Variants in SPATA31H1 observed in about 807,000 individuals in gnomAD.
SPATA31H1 encodes the protein SPATA31 subfamily H member 1, also known as spermatogenesis-associated protein 31H1.
At chr2:27,562,006 C>A in the SPATA31H1 span, among the ~76,000 whole-genome samples, 4,091 of 152,242 alleles carry the variant, frequency 0.027, 175 homozygotes, top group African/African-American at 0.094. Context: ...CGATTCCCAT[C>A]ACCATTTGCT....
chr2:27,579,933 T>C, the SPATA31H1 span: 1 of 1,614,180 alleles, frequency 6.2e-7, no homozygotes, highest in South Asian at 1.1e-5. Flanking sequence ...ATACCCTATC[T>C]GCCTACAGTG....
At chr2:27,582,426 CAT>C in the SPATA31H1 span, 1 of 1,614,220 alleles carries the variant, frequency 6.2e-7, no homozygotes, top group South Asian at 1.1e-5. Flanking sequence ...GAGGCCCAGC[CAT>C]AGTTTGTCTA....
At chr2:27,539,806 T>C in the SPATA31H1 span, among the ~76,000 whole-genome samples, 1 of 61,394 alleles carries the variant, frequency 1.6e-5, no homozygotes, top group African/African-American at 7.3e-5. Flanking sequence ...CACTTCCCAG[T>C]AGGGGCGGCC....
At chr2:27,543,417 G>A in the SPATA31H1 span, among the ~76,000 whole-genome samples, 36,781 of 151,552 alleles carry the variant, frequency 0.24, 5,684 homozygotes, top group East Asian at 0.49. Flanking sequence ...AACAAGTGAT[G>A]CATGACATTT....
At chr2:27,573,565 C>A in the SPATA31H1 span, 1 of 398,510 alleles carries the variant, frequency 2.5e-6, no homozygotes, top group Admixed American at 4.4e-5. Flanking sequence ...GCTTTGAAAT[C>A]TGGGCTACAG....
At chr2:27,581,364 C>T in the SPATA31H1 span, 2 of 1,613,492 alleles carry the variant, frequency 1.2e-6, no homozygotes, top group South Asian at 2.2e-5. Context: ...TAGGAAAAAC[C>T]ATTCCAGTCC....
chr2:27,575,427 A>C, the SPATA31H1 span: 1 of 398,440 alleles, frequency 2.5e-6, no homozygotes, highest in African/African-American at 2.1e-5. This position sits in a 1 kb window ranked among gnomAD's most constrained non-coding sequence, Gnocchi z 4.1. Flanking sequence ...AAAATCTATG[A>C]AATTCAATCT....
chr2:27,575,132 T>C, the SPATA31H1 span: 4 of 398,500 alleles, frequency 1.0e-5, no homozygotes, highest in Non-Finnish European at 1.8e-5. The surrounding 1 kb of genome is among the most constrained non-coding windows in gnomAD (Gnocchi z 4.1). Flanking sequence ...AGTTGGAAGA[T>C]ATGAAATCTG....
chr2:27,581,129 T>G, the SPATA31H1 span: 6 of 1,614,010 alleles, frequency 3.7e-6, no homozygotes, highest in South Asian at 6.6e-5. Context: ...TCCTACCTGG[T>G]TCCCCTGTGA....
the SPATA31H1 span, among the ~76,000 whole-genome samples, chr2:27,555,865 G>A: frequency 4.6e-5 from 7 of 151,996 alleles, no homozygotes; most frequent in South Asian, 1.5e-3. Context: ...TGGGTGCGGT[G>A]GCTCACGCCT....
At chr2:27,575,472 T>C in the SPATA31H1 span, 4 of 398,396 alleles carry the variant, frequency 1.0e-5, no homozygotes, top group Non-Finnish European at 1.8e-5. The surrounding 1 kb of genome is among the most constrained non-coding windows in gnomAD (Gnocchi z 4.1). Context: ...ATCTTCTGAG[T>C]TGTGCCTAGG....
At chr2:27,569,323 T>C in the SPATA31H1 span, 1 of 398,858 alleles carries the variant, frequency 2.5e-6, no homozygotes, top group East Asian at 3.6e-5. Context: ...TTGTCAGAGA[T>C]ACCCCCCATG....
At chr2:27,579,698 T>A in the SPATA31H1 span, 1 of 1,614,182 alleles carries the variant, frequency 6.2e-7, no homozygotes, top group Non-Finnish European at 8.5e-7. Flanking sequence ...ATAGAGAAGA[T>A]CTTGTTCCAA....
the SPATA31H1 span, among the ~76,000 whole-genome samples, chr2:27,559,933 T>A: frequency 6.6e-6 from 1 of 152,138 alleles, no homozygotes; most frequent in Non-Finnish European, 1.5e-5. Context: ...AGTGGCGTGA[T>A]CTCAGCTCAC....
At chr2:27,567,457 T>A in the SPATA31H1 span, 19 of 426,952 alleles carry the variant, frequency 4.5e-5, no homozygotes, top group Non-Finnish European at 7.4e-5. Context: ...GAGCAAAATA[T>A]CAACAACAAA....
chr2:27,543,936 C>T, the SPATA31H1 span, among the ~76,000 whole-genome samples: 457 of 152,038 alleles, frequency 3.0e-3, 10 homozygotes, highest in African/African-American at 0.011. Context: ...GACTTATTGA[C>T]GGTTGTTTTT....
At chr2:27,579,142 C>G in the SPATA31H1 span, 2 of 1,614,004 alleles carry the variant, frequency 1.2e-6, no homozygotes, top group African/African-American at 2.7e-5. Flanking sequence ...CAGGCAGAAT[C>G]AGGGGTTCAG....
At chr2:27,547,982 T>TC in the SPATA31H1 span, among the ~76,000 whole-genome samples, 6 of 144,642 alleles carry the variant, frequency 4.1e-5, no homozygotes, top group South Asian at 2.2e-4. Flanking sequence ...GTAATTTCTT[T>TC]TTTTTTTTTT....
At chr2:27,578,868 G>A in the SPATA31H1 span, 23 of 1,613,978 alleles carry the variant, frequency 1.4e-5, no homozygotes, top group Non-Finnish European at 1.4e-5. Context: ...CAGAGCTTTG[G>A]ATATAAAAAA....
Sources: gnomAD v4.1 joint callset for allele counts (sites outside exome capture counted in the v4.1 genomes callset) on GRCh38, gnomAD v4.1.1 for gene constraint, Gnocchi (gnomAD v3.1) non-coding constraint, MANE v1.5 for transcripts, NCBI Gene and HGNC (gene_info 2026-07-23, HGNC 2026-07-21) for gene names.